Variants in WHRN observed in about 807,000 individuals in gnomAD.
WHRN encodes the protein whirlin, also known as CASK-interacting protein CIP98.
WHRN carries 41 observed loss-of-function variants against 68.3 expected under a neutral mutation model. That is an observed-to-expected ratio of 0.60 (90% CI 0.47 to 0.78). WHRN has a LOEUF of 0.78. WHRN is among the 30% of genes least tolerant of loss of function. The pLI is 0.00. For missense variants in WHRN, 1,243 were observed against 1,244.7 expected (o/e 1.00, Z 0.02); for synonymous variants, 560 against 561.3 (o/e 1.00, Z 0.03).
intron 2 of WHRN, among the ~76,000 whole-genome samples, chr9:114,475,356 C>T (rs1238407727): frequency 5.3e-5 from 8 of 152,118 alleles, no homozygotes. Flanking sequence ...CACCCTGCCC[C>T]GTTCACTTCT....
chr9:114,475,530 G>A (rs928385452), intron 2 of WHRN, among the ~76,000 whole-genome samples: 1 of 152,162 alleles, frequency 6.6e-6, no homozygotes, highest in African/African-American at 2.4e-5. Context: ...AGCTCCAGGG[G>A]ATGGCATAAG....
At chr9:114,454,597 T>C (rs944631540) in intron 3 of WHRN, among the ~76,000 whole-genome samples, 17 of 152,170 alleles carry the variant, frequency 1.1e-4, no homozygotes, top group East Asian at 7.7e-4. Flanking sequence ...TCTGTATTCA[T>C]TGATTGCAAG....
intron 1 of WHRN, among the ~76,000 whole-genome samples, chr9:114,498,349 G>A (rs1309051318): frequency 6.6e-6 from 1 of 152,120 alleles, no homozygotes; most frequent in Non-Finnish European, 1.5e-5. Context: ...GGCAGGTAGG[G>A]GTACTACTTC....
chr9:114,461,068 GAC>G (rs1840208016), intron 3 of WHRN, among the ~76,000 whole-genome samples: 1 of 152,174 alleles, frequency 6.6e-6, no homozygotes, highest in Non-Finnish European at 1.5e-5. Flanking sequence ...AGATAGAAAG[GAC>G]TTTACTGAAG....
At chr9:114,430,329 T>C (rs113471206) in intron 3 of WHRN, among the ~76,000 whole-genome samples, 4 of 152,228 alleles carry the variant, frequency 2.6e-5, no homozygotes, top group South Asian at 2.1e-4. Flanking sequence ...TTTAAAAATA[T>C]ACATATGTCC....
chr9:114,482,825 T>C (rs1391114114), intron 1 of WHRN, among the ~76,000 whole-genome samples: 2 of 152,166 alleles, frequency 1.3e-5, no homozygotes, highest in East Asian at 3.9e-4. Flanking sequence ...GTTAATGCCC[T>C]TGATGAGAAC....
chr9:114,447,397 T>A (rs954627979), intron 3 of WHRN, among the ~76,000 whole-genome samples: 1 of 152,156 alleles, frequency 6.6e-6, no homozygotes, highest in Non-Finnish European at 1.5e-5. Context: ...ACCACAGGGT[T>A]GCTGTGAGGG....
intron 7 of WHRN, among the ~76,000 whole-genome samples, chr9:114,409,519 C>G (rs943052653): frequency 2.6e-5 from 4 of 152,104 alleles, no homozygotes; most frequent in Non-Finnish European, 5.9e-5. Flanking sequence ...TGAGAACCCC[C>G]GAGCAGCTCC....
intron 1 of WHRN, among the ~76,000 whole-genome samples, chr9:114,486,978 TA>T (rs1564218027): frequency 1.1e-3 from 3 of 2,696 alleles, no homozygotes; most frequent in African/African-American, 1.4e-3. Flanking sequence ...TATATATATA[TA>T]TATATATATA....
At chr9:114,413,592 T>A (rs1243046602) in intron 7 of WHRN, among the ~76,000 whole-genome samples, 2 of 152,080 alleles carry the variant, frequency 1.3e-5, no homozygotes, top group Admixed American at 1.3e-4. Flanking sequence ...GGTAGGGGTG[T>A]AAGTCTGTGG....
intron 3 of WHRN, among the ~76,000 whole-genome samples, chr9:114,457,893 G>C (rs981120176): frequency 6.8e-6 from 1 of 147,112 alleles, no homozygotes; most frequent in African/African-American, 2.5e-5. Flanking sequence ...TCCAGCCTGG[G>C]CAACAGAGCC....
chr9:114,444,580 G>A (rs1017014912), intron 3 of WHRN, among the ~76,000 whole-genome samples: 7 of 151,934 alleles, frequency 4.6e-5, no homozygotes, highest in Admixed American at 2.6e-4. Flanking sequence ...TCTTAAAAAC[G>A]CATCTCCATT....
chr9:114,504,433 C>T lies in WHRN; in HGVS notation c.369G>A (p.Arg123=). 6.2e-7 allele frequency: 1 copy of T among 1,607,046 alleles called. No homozygotes were observed. The highest frequency in any genetic ancestry group is 8.5e-7 in the Non-Finnish European group (1 of 1,179,594). Reference sequence around the variant, plus strand: ...TGTCGGGGCCGCCCCAGGCGGGCTGCCTGTAGGGGGTGGTGGCGGGCAGGT... The same window carrying T: ...TGTCGGGGCCGCCCCAGGCGGGCTGTCTGTAGGGGGTGGTGGCGGGCAGGT... ...GLYLPATTPY[R]QPAWGGPDSA... is the part of the protein sequence containing the mutation. Residue 123 remains arginine, a synonymous_variant, in exon 1 of 12, where the codon AGG becomes AGA. Transcript: ENST00000362057.
At chr9:114,424,850 G>T in intron 5 of WHRN, 138 bp downstream of exon 5, 1 of 992,084 alleles carries the variant, frequency 1.0e-6, no homozygotes, top group East Asian at 2.4e-5. Context: ...ACAGATAAGT[G>T]GGCTGGGGGG....
At chr9:114,470,230 G>GA (rs1338132744) in intron 2 of WHRN, among the ~76,000 whole-genome samples, 1 of 152,232 alleles carries the variant, frequency 6.6e-6, no homozygotes, top group Admixed American at 6.5e-5. Context: ...GCCAAAGGCA[G>GA]AGCTCCCCAG....
Position 114,407,829 on chromosome 9 carries a change from G to C in WHRN, c.1698+118C>G, listed in dbSNP as rs564624678. ...CTGGGTGTGAGAGCTCATGGCAGAG[G>C]CCTCTGTCTCCTTTGCCACCCTGTG... On this transcript the variant is annotated intron_variant, in intron 8 of 11. Transcript: ENST00000362057. 9 of 813,994 alleles carry C rather than the reference G, an allele frequency of 1.1e-5. No individual in the cohort carries two copies. The East Asian group carries it at 2.4e-4, about 22-fold the overall frequency. 50.4% of individuals were successfully genotyped at this position (813,994 alleles called of 1,614,324 possible).
At chr9:114,423,274 C>G (rs773100124) in intron 7 of WHRN, 40 bp downstream of exon 7, 6 of 1,604,762 alleles carry the variant, frequency 3.7e-6, no homozygotes, top group Non-Finnish European at 5.1e-6. Flanking sequence ...CTTAACTCTG[C>G]CCTGGCTACT....
intron 3 of WHRN, among the ~76,000 whole-genome samples, chr9:114,429,755 CCTCCTCCCCTCTCT>C (rs1251120277): frequency 6.6e-6 from 1 of 152,284 alleles, no homozygotes; most frequent in East Asian, 1.9e-4. Flanking sequence ...TCTGCAGCTC[CCTCCTCCCCTCTCT>C]CTCCCAGCTG....
At chr9:114,484,469 A>AC (rs1842331564) in intron 1 of WHRN, among the ~76,000 whole-genome samples, 1 of 152,126 alleles carries the variant, frequency 6.6e-6, no homozygotes, top group South Asian at 2.1e-4. Flanking sequence ...CTTTCTCTTT[A>AC]CTTAGAGGAG....
Sources: allele counts gnomAD v4.1 joint callset (sites outside exome capture counted in the v4.1 genomes callset), GRCh38; gene constraint gnomAD v4.1.1; transcripts MANE v1.5; gene names NCBI Gene and HGNC (gene_info 2026-07-23, HGNC 2026-07-21).